PCDHGB5: variants seen among roughly 807,000 people sequenced by gnomAD.
PCDHGB5 encodes protocadherin gamma-B5.
In PCDHGB5, 48 loss-of-function variants were observed where a neutral mutation model predicts 62.9. The ratio of observed to expected loss-of-function variants is 0.76; its 90% confidence interval spans 0.61 to 0.97. PCDHGB5 has a LOEUF of 0.97. Ranked by LOEUF, PCDHGB5 falls within the 50% of genes least tolerant of loss-of-function variation. The pLI is 0.00. For synonymous variants in PCDHGB5, 474 were observed against 511.2 expected (o/e 0.93, Z 0.98); for missense variants, 1,118 against 1,198.6 (o/e 0.93, Z 0.99).
chr5:141,427,820 G>A (rs2097075272), intron 1 of PCDHGB5: 2 of 1,532,144 alleles, frequency 1.3e-6, no homozygotes, highest in East Asian at 4.5e-5. Flanking sequence ...GCGGGGTGGT[G>A]GTCGCGCAGC....
intron 1 of PCDHGB5, among the ~76,000 whole-genome samples, chr5:141,474,705 A>C (rs114026580): frequency 0.01 from 1,561 of 152,324 alleles, 35 homozygotes; most frequent in African/African-American, 0.035. Context: ...TCAAGGTTCT[A>C]TTATACTTCA....
In PCDHGB5 at chr5:141,415,739, GGTTTTT is replaced by G; in HGVS notation, c.2397+15216_2397+15221del. On this transcript the variant is annotated intron_variant, in intron 1 of 3. Coordinates refer to ENST00000617380, the MANE Select transcript of PCDHGB5 (RefSeq NM_018925.3). ...ATGAGTAGAATTTGATGTTTATTAA[GGTTTTT>G]TTTTTTTTTTTTTTTTTTTTTTTTT... is the stretch of plus-strand genomic sequence containing the variant. 1.4e-4 allele frequency: 59 copies of G among 434,890 alleles called. 1 individual carries two copies. The African/African-American group carries it at 1.6e-3, about 12-fold the overall frequency. The allele number at this position is 434,890 out of a possible 1,614,324, so 26.9% of individuals were successfully genotyped here.
chr5:141,490,061 A>G lies in PCDHGB5; in HGVS notation c.2398-4746A>G, dbSNP rs1562135413. On this transcript the variant is annotated intron_variant, in intron 1 of 3. Transcript: ENST00000617380. This position sits in a 1 kb window ranked among gnomAD's most constrained non-coding sequence, Gnocchi z 5.4. Reference sequence around the variant, plus strand: ...GCCACTGATCCAGACGAGGGCACCAACGGCCAACTAGACTATTCTTTTGGA... The same window carrying G: ...GCCACTGATCCAGACGAGGGCACCAGCGGCCAACTAGACTATTCTTTTGGA... 1.2e-6 allele frequency: 2 copies of G among 1,614,214 alleles called. No individual in the cohort carries two copies. Among genetic ancestry groups the G allele is most frequent in the East Asian group, 2.2e-5 (1 of 44,884 alleles).
At chr5:141,469,674 A>G (rs532726373) in intron 1 of PCDHGB5, among the ~76,000 whole-genome samples, 23 of 152,380 alleles carry the variant, frequency 1.5e-4, no homozygotes, top group Non-Finnish European at 2.2e-4. Flanking sequence ...TAATAAAACT[A>G]CATATGCATT....
chr5:141,398,592 A>G lies in PCDHGB5; in HGVS notation c.465A>G (p.Glu155=). The G allele has an allele frequency of 6.2e-7, 1 of 1,614,068 alleles. No homozygotes were observed. Among genetic ancestry groups the G allele is most frequent in the South Asian group, 1.1e-5 (1 of 91,090 alleles). Residue 155 remains glutamate, a synonymous_variant, in exon 1 of 4, where the codon GAA becomes GAG. Coordinates refer to ENST00000617380, the MANE Select transcript of PCDHGB5 (RefSeq NM_018925.3). ...SAQPGTRFIL[E]VAEDADIGLN... ...AGCCTGGCACAAGATTTATACTAGA[A>G]GTAGCAGAAGATGCAGATATTGGCT... is the stretch of plus-strand genomic sequence containing the variant.
At position 141,404,503 on chromosome 5, in the gene PCDHGB5, G is replaced by A. The variant is rs771196227; in HGVS notation, c.2397+3979G>A. 8 of 1,613,720 alleles carry A rather than the reference G, an allele frequency of 5.0e-6. No homozygotes were observed. In the East Asian group the frequency reaches 1.8e-4, roughly 36 times the overall value. On this transcript the variant is annotated intron_variant, in intron 1 of 3. Coordinates refer to ENST00000617380, the MANE Select transcript of PCDHGB5 (RefSeq NM_018925.3). Reference sequence around the variant, plus strand: ...CAGACACTGGTGTGCTGTATGCTCTGTGCTCCTTTGACTATGAGCAGTTTA... The same window carrying A: ...CAGACACTGGTGTGCTGTATGCTCTATGCTCCTTTGACTATGAGCAGTTTA...
At position 141,399,971 on chromosome 5, in the gene PCDHGB5, T is replaced by C; in HGVS notation, c.1844T>C (p.Leu615Pro). The C allele has an allele frequency of 6.2e-7, 1 of 1,612,208 alleles. No homozygotes were observed. Among genetic ancestry groups the C allele is most frequent in the Non-Finnish European group, 8.5e-7 (1 of 1,179,664 alleles). Residue 615 changes from leucine (L) to proline (P), a missense_variant, in exon 1 of 4, where the codon CTG becomes CCG. This residue lies in a region of PCDHGB5 where 1,034 missense variants were observed against 1,029.1 expected (regional missense o/e 1.00). Coordinates refer to ENST00000617380, the MANE Select transcript of PCDHGB5 (RefSeq NM_018925.3). Reference sequence around the variant, plus strand: ...GCTAGCGAGCCCGGGCTCTTCAGCCTGGGGCTGCGCACAGGAGAGGTGCGC... The same window carrying C: ...GCTAGCGAGCCCGGGCTCTTCAGCCCGGGGCTGCGCACAGGAGAGGTGCGC... ...LQASEPGLFS[L>P]GLRTGEVRTA...
chr5:141,420,507 A>G (rs548077936), intron 1 of PCDHGB5: 1 of 428,282 alleles, frequency 2.3e-6, no homozygotes, highest in African/African-American at 2.0e-5. Context: ...TGACATTTTT[A>G]TGAAGTAAAA....
chr5:141,437,434 G>A (rs183505868), intron 1 of PCDHGB5, among the ~76,000 whole-genome samples: 409 of 152,312 alleles, frequency 2.7e-3, no homozygotes, highest in Middle Eastern at 6.8e-3. Flanking sequence ...AGCAGCAATA[G>A]CATAGGAATG....
chr5:141,472,454 C>T (rs538141635), intron 1 of PCDHGB5, among the ~76,000 whole-genome samples: 3 of 151,192 alleles, frequency 2.0e-5, no homozygotes, highest in South Asian at 4.2e-4. Context: ...GCAGGAGAAT[C>T]GCTTGAACCC....
rs994009107 is a variant in PCDHGB5 at position 141,490,364 on chromosome 5, G to A, written c.2398-4443G>A. ...ACAGTAGTGGGGTTGTTTAATGTGC[G>A]AGACCGGGACTCAGGTAGAAATGGT... On this transcript the variant is annotated intron_variant, in intron 1 of 3. Transcript: ENST00000617380. The surrounding 1 kb of genome is among the most constrained non-coding windows in gnomAD (Gnocchi z 5.4). 7 of 1,614,056 alleles carry A rather than the reference G, an allele frequency of 4.3e-6. No individual in the cohort carries two copies. In the African/African-American group the frequency reaches 5.3e-5, roughly 12 times the overall value.
chr5:141,418,360 G>T (rs544948410), intron 1 of PCDHGB5: 4 of 1,613,990 alleles, frequency 2.5e-6, no homozygotes, highest in Non-Finnish European at 3.4e-6. Flanking sequence ...TGAATTCGCT[G>T]AGCAAATACC....
chr5:141,423,880 G>C, intron 1 of PCDHGB5: 1 of 1,282,292 alleles, frequency 7.8e-7, no homozygotes, highest in Non-Finnish European at 9.9e-7. Context: ...TTTCAATCTT[G>C]GCATATTTTC....
At chr5:141,428,188 G>C (rs1023078587) in intron 1 of PCDHGB5, 1 of 1,433,232 alleles carries the variant, frequency 7.0e-7, no homozygotes, top group African/African-American at 1.4e-5. Flanking sequence ...GACAGCCGCC[G>C]CTCTCTGCGC....
chr5:141,480,241 A>C (rs895691864), intron 1 of PCDHGB5, among the ~76,000 whole-genome samples: 58 of 97,306 alleles, frequency 6.0e-4, no homozygotes, highest in African/African-American at 2.2e-3. Context: ...CTGTCTCTAC[A>C]AAAAAAAAAA....
chr5:141,490,412 C>T lies in PCDHGB5; in HGVS notation c.2398-4395C>T, dbSNP rs2233605. 10 of 1,614,062 alleles carry T rather than the reference C, an allele frequency of 6.2e-6. No homozygotes were observed. The highest frequency in any genetic ancestry group is 4.0e-5 in the African/African-American group (3 of 74,910). Reference sequence around the variant, plus strand: ...GGTGAAGTGAGCCTTGATATCTCTCCGGACCTGCCATTTCAGATTAAGCCT... The same window carrying T: ...GGTGAAGTGAGCCTTGATATCTCTCTGGACCTGCCATTTCAGATTAAGCCT... On this transcript the variant is annotated intron_variant, in intron 1 of 3. Transcript: ENST00000617380. This position sits in a 1 kb window ranked among gnomAD's most constrained non-coding sequence, Gnocchi z 5.4.
At chr5:141,474,803 T>C (rs1383027398) in intron 1 of PCDHGB5, among the ~76,000 whole-genome samples, 1 of 152,250 alleles carries the variant, frequency 6.6e-6, no homozygotes, top group Non-Finnish European at 1.5e-5. Context: ...ATGGAGTGGT[T>C]TGCATCATTA....
chr5:141,510,141 T>C (rs1596266322), intron 3 of PCDHGB5, among the ~76,000 whole-genome samples: 1 of 152,014 alleles, frequency 6.6e-6, no homozygotes. Flanking sequence ...GGGCTAGTGG[T>C]GTGCACCTGT....
Position 141,399,605 on chromosome 5 carries a change from A to G in PCDHGB5, c.1478A>G (p.Glu493Gly). ...VSYSIMASDLEPLALASYVSM... is the reference protein window; with the variant it reads ...VSYSIMASDLGPLALASYVSM... ...TACTCTATCATGGCCAGCGACCTAG[A>G]GCCTCTGGCACTGGCCTCTTACGTG... is the stretch of plus-strand genomic sequence containing the variant. The change falls in exon 1 of 4, where the codon GAG becomes GGG. Residue 493 changes from glutamate (E) to glycine (G), a missense_variant. Coordinates refer to ENST00000617380, the MANE Select transcript of PCDHGB5 (RefSeq NM_018925.3). The G allele has an allele frequency of 6.2e-7, 1 of 1,613,968 alleles. No homozygotes were observed. The highest frequency in any genetic ancestry group is 8.5e-7 in the Non-Finnish European group (1 of 1,179,888).
Sources: gnomAD v4.1 joint callset for allele counts (sites outside exome capture counted in the v4.1 genomes callset) on GRCh38, gnomAD v4.1.1 for gene constraint, gnomAD v4.1.1 regional missense constraint, Gnocchi (gnomAD v3.1) non-coding constraint, MANE v1.5 for transcripts, NCBI Gene and HGNC (gene_info 2026-07-23, HGNC 2026-07-21) for gene names.